TMEM132D: variants seen among roughly 807,000 people sequenced by gnomAD.
TMEM132D encodes mature OL transmembrane protein.
TMEM132D carries 21 observed loss-of-function variants against 62.3 expected under a neutral mutation model. The observed-to-expected ratio is 0.34, with a 90% confidence interval of 0.24 to 0.49. TMEM132D has a LOEUF of 0.49. Among genes scored for constraint, TMEM132D ranks in the 20% least tolerant of loss-of-function variants. The probability of loss-of-function intolerance (pLI) is 0.99; values close to 1 mark genes in which losing one functional copy is unlikely to be tolerated. For synonymous variants in TMEM132D, 621 were observed against 575.6 expected (o/e 1.08, Z -1.13); for missense variants, 1,346 against 1,402.8 (o/e 0.96, Z 0.65).
At chr12:129,290,633 A>G (rs918870032) in intron 4 of TMEM132D, among the ~76,000 whole-genome samples, 2 of 152,248 alleles carry the variant, frequency 1.3e-5, no homozygotes, top group African/African-American at 4.8e-5. Flanking sequence ...TTAGAAGAAT[A>G]TACAGTTTGA....
chr12:129,877,179 T>C lies in TMEM132D; in HGVS notation c.79+26082A>G, dbSNP rs564427696. Reference sequence around the variant, plus strand: ...TTAACTATGAATATTATATTTATAATTATGTAATATTATAGTATAATACTA... The same window carrying C: ...TTAACTATGAATATTATATTTATAACTATGTAATATTATAGTATAATACTA... On this transcript the variant is annotated intron_variant, in intron 1 of 8. Coordinates refer to ENST00000422113, the MANE Select transcript of TMEM132D (RefSeq NM_133448.3). Among the ~76,000 whole-genome samples the C allele has an allele frequency of 1.3e-4, 20 of 148,956 alleles. 1 individual carries two copies. Among genetic ancestry groups the C allele is most frequent in the Middle Eastern group, 3.6e-3 (1 of 280 alleles).
chr12:129,567,182 C>T (rs550130436), intron 2 of TMEM132D, among the ~76,000 whole-genome samples: 11 of 152,292 alleles, frequency 7.2e-5, no homozygotes, highest in African/African-American at 2.4e-4. Flanking sequence ...TGCAAGCTTT[C>T]CTGATGACAT....
intron 5 of TMEM132D, among the ~76,000 whole-genome samples, chr12:129,127,554 C>G (rs1434635146): frequency 2.0e-5 from 3 of 152,154 alleles, no homozygotes; most frequent in Non-Finnish European, 4.4e-5. Context: ...TCAATGTGAA[C>G]AGCCCACTCT....
chr12:129,805,118 G>A (rs12425121), intron 1 of TMEM132D, among the ~76,000 whole-genome samples: 149,666 of 149,976 alleles, frequency 1, 74,680 homozygotes, highest in Middle Eastern at 1. Flanking sequence ...CATACTGCCC[G>A]AGGTCATTTA....
intron 3 of TMEM132D, among the ~76,000 whole-genome samples, chr12:129,435,054 C>T (rs543302595): frequency 9.2e-5 from 14 of 152,242 alleles, no homozygotes; most frequent in South Asian, 8.3e-4. Context: ...CACAGGCGTG[C>T]GAATGTACCG....
intron 2 of TMEM132D, among the ~76,000 whole-genome samples, chr12:129,695,051 G>T (rs561997967): frequency 6.6e-6 from 1 of 152,200 alleles, no homozygotes; most frequent in African/African-American, 2.4e-5. Flanking sequence ...TTCTGACCAC[G>T]AGGCACCCCT....
At chr12:129,851,144 C>G (rs1172984780) in intron 1 of TMEM132D, among the ~76,000 whole-genome samples, 1 of 152,156 alleles carries the variant, frequency 6.6e-6, no homozygotes, top group African/African-American at 2.4e-5. Context: ...CAGATGTAGC[C>G]AGGTAGATGT....
chr12:129,280,063 T>C (rs536525301), intron 4 of TMEM132D, among the ~76,000 whole-genome samples: 1 of 152,304 alleles, frequency 6.6e-6, no homozygotes, highest in East Asian at 1.9e-4. Flanking sequence ...AGGAGGGTAA[T>C]TGAATCACTC....
chr12:129,228,770 C>T (rs1309962395), intron 4 of TMEM132D, among the ~76,000 whole-genome samples: 1 of 152,172 alleles, frequency 6.6e-6, no homozygotes, highest in Non-Finnish European at 1.5e-5. Flanking sequence ...AAATCAATTC[C>T]GATGCTGTTA....
chr12:129,523,959 C>T (rs1253874378), intron 3 of TMEM132D, among the ~76,000 whole-genome samples: 1 of 152,102 alleles, frequency 6.6e-6, no homozygotes, highest in Non-Finnish European at 1.5e-5. Flanking sequence ...AGCTCTATTC[C>T]CCACAATGTC....
intron 4 of TMEM132D, among the ~76,000 whole-genome samples, chr12:129,228,024 G>T (rs1169268628): frequency 1.3e-5 from 2 of 152,256 alleles, no homozygotes; most frequent in South Asian, 4.1e-4. Flanking sequence ...CCAGGACATC[G>T]ACGCTGTGTA....
In TMEM132D at chr12:129,409,771, C is replaced by T. The variant is rs546405462; in HGVS notation, c.1116-71954G>A. ...ATATTACTTTGTATTGTTATGTTAC[C>T]GAGCTTCCCCATTGCCTATTCCAGG... On this transcript the variant is annotated intron_variant, in intron 3 of 8. Coordinates refer to ENST00000422113, the MANE Select transcript of TMEM132D (RefSeq NM_133448.3). Among the ~76,000 whole-genome samples, 17 of 152,234 alleles carry T rather than the reference C, an allele frequency of 1.1e-4. No homozygotes were observed. In the South Asian group the frequency reaches 2.1e-3, roughly 19 times the overall value.
chr12:129,871,986 A>G (rs34645596), intron 1 of TMEM132D, among the ~76,000 whole-genome samples: 4,206 of 151,856 alleles, frequency 0.028, 78 homozygotes, highest in Non-Finnish European at 0.04. Context: ...GTGGGTCCAC[A>G]CTCCCCAGCG....
chr12:129,335,077 T>C (rs1869229411), intron 4 of TMEM132D, among the ~76,000 whole-genome samples: 1 of 151,598 alleles, frequency 6.6e-6, no homozygotes, highest in South Asian at 2.1e-4. Flanking sequence ...AATCATAATA[T>C]AGATAACACT....
intron 4 of TMEM132D, among the ~76,000 whole-genome samples, chr12:129,230,033 G>A (rs1331782129): frequency 6.6e-6 from 1 of 152,230 alleles, no homozygotes; most frequent in Non-Finnish European, 1.5e-5. Context: ...CACACTAATT[G>A]AGAAGAGGGT....
At chr12:129,801,718 C>T (rs1447523827) in intron 1 of TMEM132D, among the ~76,000 whole-genome samples, 13 of 151,168 alleles carry the variant, frequency 8.6e-5, no homozygotes, top group African/African-American at 2.9e-4. Flanking sequence ...GAGAAGAAGG[C>T]TTCAGACGAT....
intron 1 of TMEM132D, among the ~76,000 whole-genome samples, chr12:129,864,897 C>T (rs1306258287): frequency 2.0e-5 from 3 of 152,182 alleles, no homozygotes; most frequent in Non-Finnish European, 4.4e-5. Context: ...AAAGTGGCCA[C>T]AACCAATTAG....
chr12:129,492,169 T>C (rs921230966), intron 3 of TMEM132D, among the ~76,000 whole-genome samples: 1 of 152,182 alleles, frequency 6.6e-6, no homozygotes, highest in Admixed American at 6.5e-5. Flanking sequence ...TTTTCTTAAG[T>C]TAAAATTAGT....
chr12:129,650,504 G>T (rs1879899185), intron 2 of TMEM132D, among the ~76,000 whole-genome samples: 1 of 152,146 alleles, frequency 6.6e-6, no homozygotes, highest in Non-Finnish European at 1.5e-5. Flanking sequence ...TTTGGCAGCT[G>T]CATCTTCAAA....
Sources: allele counts gnomAD v4.1 joint callset (sites outside exome capture counted in the v4.1 genomes callset), GRCh38; gene constraint gnomAD v4.1.1; transcripts MANE v1.5; gene names NCBI Gene and HGNC (gene_info 2026-07-23, HGNC 2026-07-21).